SGCZ: variants seen among roughly 807,000 people sequenced by gnomAD.
SGCZ encodes the protein sarcoglycan zeta.
SGCZ carries 40 observed loss-of-function variants against 41.3 expected under a neutral mutation model. The observed-to-expected ratio is 0.97, with a 90% CI of 0.75 to 1.26. SGCZ has a LOEUF of 1.26. Ranked by LOEUF, SGCZ falls within the 50% of genes most tolerant of loss-of-function variation. The pLI, the probability that SGCZ is intolerant of heterozygous loss-of-function variation, is 0.00. For synonymous variants in SGCZ, 206 were observed against 137.5 expected (o/e 1.50, Z -3.49); for missense variants, 552 against 369.8 (o/e 1.49, Z -4.04).
intron 1 of SGCZ, among the ~76,000 whole-genome samples, chr8:14,988,766 A>G (rs922212059): frequency 2.0e-5 from 3 of 152,176 alleles, no homozygotes; most frequent in African/African-American, 4.8e-5. Context: ...GAAGGAAGCT[A>G]TAACTATGCA....
intron 2 of SGCZ, among the ~76,000 whole-genome samples, chr8:14,459,924 A>G (rs540277456): frequency 7.0e-4 from 107 of 152,280 alleles, no homozygotes; most frequent in Non-Finnish European, 1.3e-3. Context: ...AAAAGACAAG[A>G]AAAAACTGGA....
intron 4 of SGCZ, among the ~76,000 whole-genome samples, chr8:14,216,142 G>A (rs1006617445): frequency 6.6e-6 from 1 of 152,196 alleles, no homozygotes; most frequent in Admixed American, 6.5e-5. Context: ...AATGATTAAA[G>A]GCCAGATTCC....
chr8:14,684,319 T>C (rs937706729), intron 1 of SGCZ, among the ~76,000 whole-genome samples: 3 of 152,172 alleles, frequency 2.0e-5, no homozygotes, highest in African/African-American at 7.2e-5. Context: ...TCAAGTTCTT[T>C]AGGGAAAGTG....
intron 1 of SGCZ, among the ~76,000 whole-genome samples, chr8:15,226,843 T>C (rs1268764320): frequency 1.3e-5 from 2 of 152,178 alleles, no homozygotes; most frequent in Non-Finnish European, 2.9e-5. Flanking sequence ...AAAAGCAGAC[T>C]ATACAGTGTG....
intron 2 of SGCZ, among the ~76,000 whole-genome samples, chr8:14,327,810 C>T (rs570896357): frequency 1.3e-5 from 2 of 152,134 alleles, no homozygotes; most frequent in African/African-American, 4.8e-5. Context: ...GAGATGGAGT[C>T]TCGCTCTTTC....
At chr8:14,365,956 C>A (rs1376771163) in intron 2 of SGCZ, among the ~76,000 whole-genome samples, 1 of 151,948 alleles carries the variant, frequency 6.6e-6, no homozygotes, top group African/African-American at 2.4e-5. Flanking sequence ...ATTAATCTTT[C>A]CAAGAACCTA....
chr8:14,703,370 G>A (rs1436070369), intron 1 of SGCZ, among the ~76,000 whole-genome samples: 1 of 151,822 alleles, frequency 6.6e-6, no homozygotes, highest in Non-Finnish European at 1.5e-5. Flanking sequence ...TGGGTGGTCT[G>A]TATTCCACAT....
intron 1 of SGCZ, among the ~76,000 whole-genome samples, chr8:14,903,034 A>T (rs1799018022): frequency 6.6e-6 from 1 of 152,156 alleles, no homozygotes. Flanking sequence ...AATAGCTCTG[A>T]AGCCCCTTCT....
chr8:14,206,549 G>C (rs554417777), intron 4 of SGCZ, among the ~76,000 whole-genome samples: 7 of 152,230 alleles, frequency 4.6e-5, no homozygotes, highest in South Asian at 2.1e-4. Flanking sequence ...TGCTTTATTA[G>C]AGATAATTTC....
At chr8:14,647,014 A>C (rs1434124230) in intron 1 of SGCZ, among the ~76,000 whole-genome samples, 1 of 152,014 alleles carries the variant, frequency 6.6e-6, no homozygotes, top group Non-Finnish European at 1.5e-5. Context: ...CTCATGGTCC[A>C]TAACTTTAGG....
At chr8:14,266,996 C>T (rs1585300209) in intron 3 of SGCZ, among the ~76,000 whole-genome samples, 1 of 152,122 alleles carries the variant, frequency 6.6e-6, no homozygotes, top group African/African-American at 2.4e-5. Flanking sequence ...TAAGTTAGTT[C>T]TAAAAGATTA....
intron 2 of SGCZ, among the ~76,000 whole-genome samples, chr8:14,513,345 C>G (rs2117080625): frequency 6.6e-6 from 1 of 152,108 alleles, no homozygotes; most frequent in South Asian, 2.1e-4. Flanking sequence ...ACCACTATTA[C>G]CAGTTTAAAC....
chr8:15,014,239 T>G (rs1802939939), intron 1 of SGCZ, among the ~76,000 whole-genome samples: 1 of 152,114 alleles, frequency 6.6e-6, no homozygotes, highest in Non-Finnish European at 1.5e-5. Context: ...AAAAAAGAAA[T>G]GGCTCAGCCA....
At chr8:14,683,338 T>G (rs973818204) in intron 1 of SGCZ, among the ~76,000 whole-genome samples, 1 of 152,040 alleles carries the variant, frequency 6.6e-6, no homozygotes, top group African/African-American at 2.4e-5. Flanking sequence ...GAAATAACAC[T>G]TGTATAAATT....
intron 4 of SGCZ, among the ~76,000 whole-genome samples, chr8:14,227,014 C>T (rs568171819): frequency 6.6e-6 from 1 of 152,086 alleles, no homozygotes; most frequent in African/African-American, 2.4e-5. Context: ...CTCTAGTGTG[C>T]TTTAGGTAGC....
At chr8:14,378,584 A>G (rs1358950234) in intron 2 of SGCZ, among the ~76,000 whole-genome samples, 1 of 152,122 alleles carries the variant, frequency 6.6e-6, no homozygotes, top group African/African-American at 2.4e-5. Flanking sequence ...AATTTACAAG[A>G]AAAAAACAAA....
intron 1 of SGCZ, among the ~76,000 whole-genome samples, chr8:14,620,202 T>G (rs1346673084): frequency 6.6e-6 from 1 of 152,130 alleles, no homozygotes; most frequent in African/African-American, 2.4e-5. Flanking sequence ...GATTCCCTAT[T>G]TAATAAATGG....
intron 1 of SGCZ, among the ~76,000 whole-genome samples, chr8:14,952,629 G>A (rs1800675651): frequency 6.6e-6 from 1 of 152,120 alleles, no homozygotes; most frequent in Non-Finnish European, 1.5e-5. Context: ...CTATGGCCAG[G>A]ATGAAGGATG....
chr8:14,353,215 A>T (rs1803164981), intron 2 of SGCZ, among the ~76,000 whole-genome samples: 1 of 152,104 alleles, frequency 6.6e-6, no homozygotes, highest in South Asian at 2.1e-4. Context: ...TATGAGTATT[A>T]TTATGAGCAA....
Sources: gnomAD v4.1 joint callset for allele counts (sites outside exome capture counted in the v4.1 genomes callset) on GRCh38, gnomAD v4.1.1 for gene constraint, MANE v1.5 for transcripts, NCBI Gene and HGNC (gene_info 2026-07-23, HGNC 2026-07-21) for gene names.